The following ATE1 variants were observed in gnomAD, a reference collection of about 807,000 sequenced individuals.
ATE1 encodes arginyl-tRNA--protein transferase 1.
Under a neutral mutation model 70.5 loss-of-function variants are expected in ATE1, and 36 were observed. The observed-to-expected ratio is 0.51, with a 90% confidence interval of 0.39 to 0.67. The LOEUF is 0.67. ATE1 is among the 30% of genes least tolerant of loss of function. The pLI, the probability that ATE1 is intolerant of heterozygous loss-of-function variation, is 0.00. For missense variants in ATE1, 593 were observed against 629.5 expected (o/e 0.94, Z 0.62); for synonymous variants, 232 against 219.3 (o/e 1.06, Z -0.51).
rs142875937 is a variant in ATE1, at chr10:121,838,090, C to T, written c.1158-1273G>A. 2.0e-3 allele frequency among the ~76,000 whole-genome samples: 311 copies of T among 152,236 alleles called. 2 individuals are homozygous for T. Among genetic ancestry groups the T allele is most frequent in the African/African-American group, 7.2e-3 (297 of 41,528 alleles). ...CACCTCCACCTCAGATATTCTGGGTCAAGCAGCATTATGGTGCCCTTGGAT... is the reference window on the plus strand; with the variant it reads ...CACCTCCACCTCAGATATTCTGGGTTAAGCAGCATTATGGTGCCCTTGGAT... On this transcript the variant is annotated intron_variant, in intron 9 of 11. Coordinates refer to ENST00000224652, the MANE Select transcript of ATE1 (RefSeq NM_001001976.3).
In ATE1 at chr10:121,742,697, A is replaced by C. The variant is rs1360530144; in HGVS notation, c.*983T>G. 6.6e-6 allele frequency: 1 copy of C among 152,196 alleles called. No individual in the cohort carries two copies. The highest frequency in any genetic ancestry group is 1.5e-5 in the Non-Finnish European group (1 of 68,038). The allele number at this position is 152,196 out of a possible 1,614,324, so 9.4% of individuals were successfully genotyped here. On this transcript the variant is annotated 3_prime_UTR_variant, in exon 12 of 12. Transcript: ENST00000224652. Reference sequence around the variant, plus strand: ...CCACCCTGACTGTGACTCTCAAATCAAAGGACAAGAAATGGATTGTTCTAG... The same window carrying C: ...CCACCCTGACTGTGACTCTCAAATCCAAGGACAAGAAATGGATTGTTCTAG...
intron 11 of ATE1, among the ~76,000 whole-genome samples, chr10:121,781,431 G>A (rs1945984286): frequency 6.6e-6 from 1 of 152,192 alleles, no homozygotes; most frequent in Admixed American, 6.5e-5. Context: ...GTGGAAAATG[G>A]AAGCCAGCAG....
intron 10 of ATE1, among the ~76,000 whole-genome samples, chr10:121,801,388 C>A (rs1351882204): frequency 2.0e-5 from 3 of 152,150 alleles, no homozygotes; most frequent in Middle Eastern, 6.8e-3. Context: ...ATTTTGGAAA[C>A]CCTGAGTTAA....
intron 10 of ATE1, among the ~76,000 whole-genome samples, chr10:121,808,321 T>A (rs1947181159): frequency 6.6e-6 from 1 of 152,134 alleles, no homozygotes; most frequent in Non-Finnish European, 1.5e-5. Flanking sequence ...GGGCAAGATT[T>A]AGAGAGGGTT....
At chr10:121,921,685 T>A (rs897685257) in intron 3 of ATE1, among the ~76,000 whole-genome samples, 1 of 152,078 alleles carries the variant, frequency 6.6e-6, no homozygotes, top group Non-Finnish European at 1.5e-5. Context: ...GACATCTGGG[T>A]TGCTTGGCAA....
chr10:121,880,081 A>C (rs1435416603), intron 7 of ATE1, among the ~76,000 whole-genome samples: 1 of 148,042 alleles, frequency 6.8e-6, no homozygotes, highest in Non-Finnish European at 1.5e-5. Context: ...AATAAAGACA[A>C]ATTTGTTTTT....
intron 3 of ATE1, among the ~76,000 whole-genome samples, chr10:121,916,548 T>A (rs1951666291): frequency 6.6e-6 from 1 of 151,466 alleles, no homozygotes; most frequent in African/African-American, 2.4e-5. Context: ...CTAAAAAGAA[T>A]CCCCAGGCCG....
At chr10:121,927,424 G>A in intron 1 of ATE1, 1 of 984,660 alleles carries the variant, frequency 1.0e-6, no homozygotes, top group South Asian at 4.7e-5. Context: ...TACATGACCG[G>A]CACCTGTGTG....
intron 5 of ATE1, among the ~76,000 whole-genome samples, chr10:121,903,366 G>C (rs551027102): frequency 1.3e-5 from 2 of 152,188 alleles, no homozygotes; most frequent in Admixed American, 6.5e-5. Flanking sequence ...AGGTATAAAG[G>C]AATACTGATC....
chr10:121,766,509 G>C (rs747820744), intron 11 of ATE1, among the ~76,000 whole-genome samples: 6 of 152,044 alleles, frequency 3.9e-5, no homozygotes, highest in Admixed American at 6.6e-5. Flanking sequence ...GTGACACAGT[G>C]ATAAACTCCC....
At chr10:121,879,758 G>A (rs1400945517) in intron 7 of ATE1, among the ~76,000 whole-genome samples, 1 of 152,188 alleles carries the variant, frequency 6.6e-6, no homozygotes, top group African/African-American at 2.4e-5. Context: ...GCAGTCACCA[G>A]TAAGGAAGAC....
intron 11 of ATE1, among the ~76,000 whole-genome samples, chr10:121,787,512 CTG>C (rs1221693825): frequency 6.6e-6 from 1 of 152,276 alleles, no homozygotes; most frequent in African/African-American, 2.4e-5. Context: ...ACTGATAAAA[CTG>C]TGTGGTATTC....
chr10:121,899,134 G>A (rs1355847812), intron 7 of ATE1, among the ~76,000 whole-genome samples: 1 of 152,136 alleles, frequency 6.6e-6, no homozygotes, highest in Non-Finnish European at 1.5e-5. Context: ...AGAGACCGAA[G>A]TGCTAACTGT....
chr10:121,905,999 A>G (rs1321738135), intron 5 of ATE1, among the ~76,000 whole-genome samples: 1 of 152,204 alleles, frequency 6.6e-6, no homozygotes, highest in Non-Finnish European at 1.5e-5. Context: ...GCAACTCAAG[A>G]ATTCCTGATT....
At chr10:121,806,229 A>G (rs1454599018) in intron 10 of ATE1, among the ~76,000 whole-genome samples, 1 of 152,172 alleles carries the variant, frequency 6.6e-6, no homozygotes, top group African/African-American at 2.4e-5. Flanking sequence ...GGGTGGGTGG[A>G]TGGCTTAAGC....
chr10:121,859,036 T>C (rs1949365888), intron 8 of ATE1, among the ~76,000 whole-genome samples: 1 of 151,630 alleles, frequency 6.6e-6, no homozygotes. Context: ...TGGAGGATGC[T>C]GTGAGCTGAG....
At chr10:121,754,867 T>A (rs2936879) in intron 11 of ATE1, among the ~76,000 whole-genome samples, 1 of 152,198 alleles carries the variant, frequency 6.6e-6, no homozygotes, top group East Asian at 1.9e-4. Flanking sequence ...TAACACTGTA[T>A]ACCTCCTGAT....
intron 11 of ATE1, among the ~76,000 whole-genome samples, chr10:121,755,698 A>C (rs1693676): frequency 6.6e-6 from 1 of 151,878 alleles, no homozygotes; most frequent in Admixed American, 6.6e-5. Flanking sequence ...GCAGGCAGAG[A>C]GCTTGTGCAG....
At chr10:121,804,855 A>T (rs80297836) in intron 10 of ATE1, among the ~76,000 whole-genome samples, 3,535 of 152,028 alleles carry the variant, frequency 0.023, 159 homozygotes, top group East Asian at 0.22. Context: ...GTCTCCTGAG[A>T]GCTTCCAACA....
Sources: gnomAD v4.1 joint callset for allele counts (sites outside exome capture counted in the v4.1 genomes callset) on GRCh38, gnomAD v4.1.1 for gene constraint, MANE v1.5 for transcripts, NCBI Gene and HGNC (gene_info 2026-07-23, HGNC 2026-07-21) for gene names.